The following KCNMA1 variants were observed in gnomAD, a reference collection of about 807,000 sequenced individuals.
KCNMA1 encodes Calcium-activated potassium channel subunit alpha-1.
Under a neutral mutation model 140.0 loss-of-function variants are expected in KCNMA1, and 29 were observed. The ratio of observed to expected loss-of-function variants is 0.21; its 90% confidence interval spans 0.15 to 0.28. KCNMA1 has a LOEUF of 0.28. KCNMA1 is among the 10% of genes least tolerant of loss of function. The pLI is 1.00. For synonymous variants in KCNMA1, 612 were observed against 611.9 expected, an observed-to-expected ratio of 1.00 and a Z score of 0.00; for missense variants, 880 against 1,602.2, an observed-to-expected ratio of 0.55 and a Z score of 7.70.
intron 19 of KCNMA1, among the ~76,000 whole-genome samples, chr10:76,993,087 A>G (rs2083245909): frequency 6.6e-6 from 1 of 152,230 alleles, no homozygotes; most frequent in Non-Finnish European, 1.5e-5. Flanking sequence ...CAAGAGCCTC[A>G]GCGCTGGCCA....
intron 18 of KCNMA1, among the ~76,000 whole-genome samples, chr10:77,010,263 GA>G (rs1443266170): frequency 6.6e-6 from 1 of 152,102 alleles, no homozygotes; most frequent in African/African-American, 2.4e-5. Flanking sequence ...CCTTCTGATT[GA>G]AATGATTCAG....
chr10:76,975,784 T>G (rs2077314070), intron 19 of KCNMA1, among the ~76,000 whole-genome samples: 1 of 152,184 alleles, frequency 6.6e-6, no homozygotes, highest in African/African-American at 2.4e-5. Flanking sequence ...AAAAATCAAC[T>G]ATAAATCTAT....
At chr10:77,421,121 C>A (rs749475411) in intron 1 of KCNMA1, among the ~76,000 whole-genome samples, 8 of 152,252 alleles carry the variant, frequency 5.3e-5, no homozygotes, top group African/African-American at 4.8e-5. Flanking sequence ...GCCTCACCTC[C>A]CTTAATCCAC....
In KCNMA1 at chr10:77,050,202, A is replaced by T. The variant is rs143300055; in HGVS notation, c.1750-10565T>A. Reference sequence around the variant, plus strand: ...ATTCAACAGGAAGTAGACTGAGCCCAGGGAAGGTGATATTTGGCAAGTTCA... The same window carrying T: ...ATTCAACAGGAAGTAGACTGAGCCCTGGGAAGGTGATATTTGGCAAGTTCA... On this transcript the variant is annotated intron_variant, in intron 14 of 27. Transcript: ENST00000286628. Among the ~76,000 whole-genome samples the T allele has an allele frequency of 7.0e-3, 1,060 of 152,078 alleles. 18 individuals are homozygous for T. Among genetic ancestry groups the T allele is most frequent in the African/African-American group, 0.024 (1,000 of 41,490 alleles).
chr10:77,392,281 A>G lies in KCNMA1; in HGVS notation c.540+11581T>C, dbSNP rs543595856. ...GGAAGGGAGGGAAAGGAAGGGAGGGAAGGGAAGGAAGGTAAGGGAGGCAAG... is the reference window on the plus strand; with the variant it reads ...GGAAGGGAGGGAAAGGAAGGGAGGGGAGGGAAGGAAGGTAAGGGAGGCAAG... On this transcript the variant is annotated intron_variant, in intron 2 of 27. Coordinates refer to ENST00000286628, the MANE Select transcript of KCNMA1 (RefSeq NM_001161352.2). Among the ~76,000 whole-genome samples the G allele has an allele frequency of 1.9e-4, 26 of 139,828 alleles. No homozygotes were observed. In the South Asian group the frequency reaches 6.6e-3, roughly 36 times the overall value. 91.7% of individuals were successfully genotyped at this position (139,828 alleles called of 152,430 possible).
chr10:77,398,898 TTA>T (rs2096164436), intron 2 of KCNMA1, among the ~76,000 whole-genome samples: 3 of 152,222 alleles, frequency 2.0e-5, no homozygotes, highest in African/African-American at 7.2e-5. Context: ...AGAAACCACC[TTA>T]TTCTTAGGGG....
At chr10:77,431,086 G>A (rs956572899) in intron 1 of KCNMA1, among the ~76,000 whole-genome samples, 4 of 152,124 alleles carry the variant, frequency 2.6e-5, no homozygotes, top group Non-Finnish European at 2.9e-5. Context: ...CTTCACTTGC[G>A]CCAGTTCAGA....
chr10:77,222,022 C>T (rs2049869094), intron 3 of KCNMA1, among the ~76,000 whole-genome samples: 1 of 152,108 alleles, frequency 6.6e-6, no homozygotes, highest in South Asian at 2.1e-4. Flanking sequence ...TCCTTCAGTA[C>T]AGGATTATTG....
At chr10:77,143,511 C>A (rs1156728034) in intron 5 of KCNMA1, among the ~76,000 whole-genome samples, 3 of 151,992 alleles carry the variant, frequency 2.0e-5, no homozygotes. Flanking sequence ...GTCATCGCCA[C>A]AAATGGAAGG....
chr10:77,619,335 TC>T (rs1603638734), intron 1 of KCNMA1, among the ~76,000 whole-genome samples: 100 of 147,554 alleles, frequency 6.8e-4, no homozygotes, highest in Middle Eastern at 3.8e-3. Flanking sequence ...TCTCTCTCTC[TC>T]TCTCTCTCTC....
At chr10:77,299,473 C>G (rs1044379164) in intron 2 of KCNMA1, among the ~76,000 whole-genome samples, 1 of 152,192 alleles carries the variant, frequency 6.6e-6, no homozygotes. Flanking sequence ...CTCTGGCCCC[C>G]CTCCAACGTG....
intron 13 of KCNMA1, among the ~76,000 whole-genome samples, chr10:77,075,984 T>C (rs1452987476): frequency 1.3e-5 from 2 of 152,132 alleles, no homozygotes; most frequent in East Asian, 1.9e-4. Flanking sequence ...TTTCTGCTAC[T>C]TCACCACCCC....
chr10:77,186,386 A>T (rs1405305748), intron 3 of KCNMA1, among the ~76,000 whole-genome samples: 1 of 150,314 alleles, frequency 6.7e-6, no homozygotes, highest in African/African-American at 2.4e-5. Flanking sequence ...AACAAAAAAA[A>T]ACGACAATTG....
chr10:77,414,113 G>A (rs540554913), intron 1 of KCNMA1, among the ~76,000 whole-genome samples: 3 of 152,278 alleles, frequency 2.0e-5, no homozygotes, highest in African/African-American at 7.2e-5. Flanking sequence ...ACCATCTTGT[G>A]CCTCAGGTTT....
chr10:77,260,475 G>A (rs1257585984), intron 2 of KCNMA1, among the ~76,000 whole-genome samples: 1 of 152,188 alleles, frequency 6.6e-6, no homozygotes, highest in Non-Finnish European at 1.5e-5. Flanking sequence ...TTGGGAGGTG[G>A]AGGCAGGTGG....
intron 14 of KCNMA1, among the ~76,000 whole-genome samples, chr10:77,049,227 C>CA (rs2095260712): frequency 6.6e-6 from 1 of 152,164 alleles, no homozygotes; most frequent in African/African-American, 2.4e-5. Flanking sequence ...TTTCAGTTGT[C>CA]AAAATCCAGT....
intron 1 of KCNMA1, among the ~76,000 whole-genome samples, chr10:77,631,400 G>A (rs2154571153): frequency 6.6e-6 from 1 of 152,304 alleles, no homozygotes; most frequent in East Asian, 1.9e-4. Context: ...GGGACCCAGT[G>A]TTCCCCACAC....
chr10:77,205,926 C>T (rs975035564), intron 3 of KCNMA1, among the ~76,000 whole-genome samples: 2 of 152,158 alleles, frequency 1.3e-5, no homozygotes, highest in African/African-American at 4.8e-5. Flanking sequence ...ACTATATGAG[C>T]TAATAGTATA....
intron 2 of KCNMA1, among the ~76,000 whole-genome samples, chr10:77,295,296 G>A (rs970937552): frequency 1.4e-4 from 21 of 151,830 alleles, no homozygotes; most frequent in East Asian, 5.9e-4. Context: ...GCAGTGAGCC[G>A]AGATCATGCC....
Sources: gnomAD v4.1 joint callset for allele counts (sites outside exome capture counted in the v4.1 genomes callset) on GRCh38, gnomAD v4.1.1 for gene constraint, MANE v1.5 for transcripts, NCBI Gene and HGNC (gene_info 2026-07-23, HGNC 2026-07-21) for gene names.